Variants in ZMYND11 observed in about 807,000 individuals in gnomAD.
The protein encoded by ZMYND11 is zinc finger MYND domain-containing protein 11.
In ZMYND11, 9 loss-of-function variants were observed where a neutral mutation model predicts 84.9. The observed-to-expected ratio is 0.11, with a 90% CI of 0.06 to 0.18. The LOEUF is 0.18. Ranked by LOEUF, ZMYND11 falls within the 10% of genes least tolerant of loss-of-function variation. ZMYND11 has a pLI of 1.00. For synonymous variants in ZMYND11, 250 were observed against 244.1 expected, an observed-to-expected ratio of 1.02 and a Z score of -0.23; for missense variants, 409 against 761.0, an observed-to-expected ratio of 0.54 and a Z score of 5.44.
intron 1 of ZMYND11, chr10:148,065 C>G (rs1160040237): frequency 6.6e-6 from 1 of 152,304 alleles, no homozygotes; most frequent in Admixed American, 6.5e-5. Flanking sequence ...GCCTAGGTCT[C>G]TGGCTAGCCT....
At position 150,690 on chromosome 10, in the gene ZMYND11, C is replaced by T. The variant is rs180753310; in HGVS notation, c.-20+15131C>T. On this transcript the variant is annotated intron_variant, in intron 1 of 14. Transcript: ENST00000381604. ...ATAGCCGAACAAAAGGCAACAGAAA[C>T]GTCTGCACACTTAAATGTCCCTGTC... Among the ~76,000 whole-genome samples, 4 of 152,306 alleles carry T rather than the reference C, an allele frequency of 2.6e-5. No homozygotes were observed. In the East Asian group the frequency reaches 5.8e-4, roughly 22 times the overall value.
intron 2 of ZMYND11, chr10:197,906 T>C: frequency 3.4e-6 from 2 of 583,168 alleles, no homozygotes; most frequent in South Asian, 2.2e-5. Flanking sequence ...ATATTTCAAT[T>C]TCAGATGTGA....
In ZMYND11 at chr10:135,831, AGAGGCCCCGGGAT is replaced by A. The variant is rs1363859695; in HGVS notation, c.-20+283_-20+295del. On this transcript the variant is annotated intron_variant, in intron 1 of 14. Coordinates refer to ENST00000381604, the MANE Select transcript of ZMYND11 (RefSeq NM_001370100.5). This position sits in a 1 kb window ranked among gnomAD's most constrained non-coding sequence, Gnocchi z 5.6. ...CCCACTCGCCTTGGGCGGCCGCGGA[AGAGGCCCCGGGAT>A]GAGGCCCCGGAGGACCGCGCGGGGC... 3.3e-5 allele frequency among the ~76,000 whole-genome samples: 5 copies of A among 149,982 alleles called. No homozygotes were observed. The highest frequency in any genetic ancestry group is 6.0e-5 in the Non-Finnish European group (4 of 67,210).
intron 2 of ZMYND11, among the ~76,000 whole-genome samples, chr10:194,349 C>A (rs950790147): frequency 1.3e-5 from 2 of 152,102 alleles, no homozygotes; most frequent in Non-Finnish European, 2.9e-5. Context: ...AGCCACCACG[C>A]CTGGCTAGTG....
rs917545464 is a variant in ZMYND11 at position 225,683 on chromosome 10, G to A, written c.438+4327G>A. ...TTTTTGCTTCATTTTCATATATATA[G>A]TTCCCAAATTACAAAGTCATTTTAT... On this transcript the variant is annotated intron_variant, in intron 4 of 14. Transcript: ENST00000381604. Among the ~76,000 whole-genome samples the A allele has an allele frequency of 9.9e-5, 15 of 152,194 alleles. No individual in the cohort carries two copies. In the East Asian group the frequency reaches 2.7e-3, roughly 28 times the overall value.
intron 1 of ZMYND11, among the ~76,000 whole-genome samples, chr10:178,952 A>G (rs1847252295): frequency 6.6e-6 from 1 of 152,222 alleles, no homozygotes; most frequent in Admixed American, 6.5e-5. Context: ...TTGGCCAGTC[A>G]TGGAACACAG....
chr10:189,775 C>T (rs2130889412), intron 2 of ZMYND11, among the ~76,000 whole-genome samples: 1 of 152,216 alleles, frequency 6.6e-6, no homozygotes, highest in South Asian at 2.1e-4. Context: ...GGCGGTAGTA[C>T]CAAATAACAG....
intron 1 of ZMYND11, among the ~76,000 whole-genome samples, chr10:164,354 A>G (rs1392683237): frequency 6.6e-6 from 1 of 152,118 alleles, no homozygotes; most frequent in African/African-American, 2.4e-5. Flanking sequence ...TTTCTAGGAT[A>G]GGCAGGGTTG....
In ZMYND11 at chr10:149,114, A is replaced by C. The variant is rs1197564755; in HGVS notation, c.-20+13555A>C. ...ATCCGATGTCTGACTCATGGCAAGTAATTGACTTTGAAAAATACGAATTTT... is the reference window on the plus strand; with the variant it reads ...ATCCGATGTCTGACTCATGGCAAGTCATTGACTTTGAAAAATACGAATTTT... On this transcript the variant is annotated intron_variant, in intron 1 of 14. Transcript: ENST00000381604. Among the ~76,000 whole-genome samples, 7 of 151,966 alleles carry C rather than the reference A, an allele frequency of 4.6e-5. 1 individual carries two copies. Among genetic ancestry groups the C allele is most frequent in the Non-Finnish European group, 1.0e-4 (7 of 67,990 alleles).
chr10:156,903 C>G (rs1370502590), intron 1 of ZMYND11, among the ~76,000 whole-genome samples: 1 of 152,160 alleles, frequency 6.6e-6, no homozygotes, highest in Admixed American at 6.5e-5. Flanking sequence ...CACAGATCTC[C>G]TCACTGGTAT....
rs182696864 is a variant in ZMYND11, at chr10:167,101, A to G, written c.-19-12893A>G. Among the ~76,000 whole-genome samples, 41 of 152,232 alleles carry G rather than the reference A, an allele frequency of 2.7e-4. 1 individual carries two copies. In the Middle Eastern group the frequency reaches 0.017, roughly 63 times the overall value. ...GGCTTGGAAGAGCAGAGAATGGGGA[A>G]GTATTATTTAATGGTCTGTAGTTTG... On this transcript the variant is annotated intron_variant, in intron 1 of 14. Coordinates refer to ENST00000381604, the MANE Select transcript of ZMYND11 (RefSeq NM_001370100.5).
chr10:230,634 G>A (rs1283018852), intron 4 of ZMYND11, among the ~76,000 whole-genome samples: 2 of 152,078 alleles, frequency 1.3e-5, no homozygotes, highest in Non-Finnish European at 2.9e-5. Flanking sequence ...ATTCTTGATT[G>A]TTAGAAGTCA....
At chr10:198,748 C>G (rs568642712) in intron 2 of ZMYND11, among the ~76,000 whole-genome samples, 2 of 152,300 alleles carry the variant, frequency 1.3e-5, no homozygotes, top group Admixed American at 1.3e-4. Flanking sequence ...TAGGTACTTG[C>G]ATATTGCATG....
chr10:243,720 C>T (rs1951532332), intron 10 of ZMYND11, among the ~76,000 whole-genome samples: 1 of 152,108 alleles, frequency 6.6e-6, no homozygotes, highest in Non-Finnish European at 1.5e-5. Flanking sequence ...GAAAAATTAG[C>T]CATGCGTGGT....
intron 2 of ZMYND11, among the ~76,000 whole-genome samples, chr10:202,991 A>C (rs1164457994): frequency 6.6e-6 from 1 of 152,210 alleles, no homozygotes. Flanking sequence ...CACTTAGCAA[A>C]CTGGAAAGAA....
chr10:188,801 A>G (rs1030063152), intron 2 of ZMYND11, among the ~76,000 whole-genome samples: 2 of 152,216 alleles, frequency 1.3e-5, no homozygotes, highest in Non-Finnish European at 2.9e-5. Flanking sequence ...AATGGTTATA[A>G]GATAGTTTAA....
intron 1 of ZMYND11, among the ~76,000 whole-genome samples, chr10:149,282 G>GTTGTTA (rs1470557937): frequency 9.2e-6 from 1 of 108,242 alleles, no homozygotes; most frequent in South Asian, 3.7e-4. Flanking sequence ...CACTGAGGTG[G>GTTGTTA]TTGTTATTAT....
At chr10:202,971 T>TA (rs200857607) in intron 2 of ZMYND11, among the ~76,000 whole-genome samples, 1,737 of 149,624 alleles carry the variant, frequency 0.012, 37 homozygotes, top group African/African-American at 0.04. Context: ...GCAGTGCCAT[T>TA]AAAAAAAAAC....
intron 7 of ZMYND11, 191 bp from the exon 8 acceptor site, chr10:239,865 G>T (rs916434157): frequency 3.5e-6 from 2 of 564,066 alleles, no homozygotes; most frequent in Non-Finnish European, 6.2e-6. Context: ...TATACCCTGA[G>T]AATTAGTGGT....
Sources: gnomAD v4.1 joint callset for allele counts (sites outside exome capture counted in the v4.1 genomes callset) on GRCh38, gnomAD v4.1.1 for gene constraint, Gnocchi (gnomAD v3.1) non-coding constraint, MANE v1.5 for transcripts, NCBI Gene and HGNC (gene_info 2026-07-23, HGNC 2026-07-21) for gene names.